ARNT2: variants seen among roughly 807,000 people sequenced by gnomAD.
The protein encoded by ARNT2 is aryl hydrocarbon receptor nuclear translocator 2.
ARNT2 carries 36 observed loss-of-function variants against 91.7 expected under a neutral mutation model. The ratio of observed to expected loss-of-function variants is 0.39; its 90% CI spans 0.30 to 0.52. The LOEUF (loss-of-function observed/expected upper bound fraction) is 0.52. Ranked by LOEUF, ARNT2 falls within the 20% of genes least tolerant of loss-of-function variation. The pLI is 0.72. For missense variants in ARNT2, 775 were observed against 939.3 expected, an observed-to-expected ratio of 0.83 and a Z score of 2.29; for synonymous variants, 365 against 347.1, an observed-to-expected ratio of 1.05 and a Z score of -0.57.
intron 3 of ARNT2, among the ~76,000 whole-genome samples, chr15:80,460,578 T>C (rs533833631): frequency 1.3e-5 from 2 of 152,318 alleles, no homozygotes; most frequent in Non-Finnish European, 2.9e-5. Flanking sequence ...ATGGGATTCA[T>C]GCCATTCGGG....
chr15:80,480,125 G>A (rs1433327009), intron 5 of ARNT2, among the ~76,000 whole-genome samples: 1 of 152,102 alleles, frequency 6.6e-6, no homozygotes, highest in Non-Finnish European at 1.5e-5. Context: ...GAGCATGGAG[G>A]TGCCAGGATC....
intron 1 of ARNT2, among the ~76,000 whole-genome samples, chr15:80,441,970 T>A (rs1896198441): frequency 6.6e-6 from 1 of 152,198 alleles, no homozygotes; most frequent in African/African-American, 2.4e-5. Flanking sequence ...ATATTTGCAT[T>A]TGGAGTCAGA....
intron 17 of ARNT2, among the ~76,000 whole-genome samples, chr15:80,588,454 T>C (rs1893216857): frequency 6.6e-6 from 1 of 152,110 alleles, no homozygotes; most frequent in East Asian, 1.9e-4. Context: ...CCATGGACCA[T>C]ACACATCTGT....
At chr15:80,585,021 A>C (rs1248709205) in intron 17 of ARNT2, among the ~76,000 whole-genome samples, 2 of 152,050 alleles carry the variant, frequency 1.3e-5, no homozygotes, top group Non-Finnish European at 2.9e-5. Flanking sequence ...GAGTTTATAC[A>C]TTGAGTGAGA....
chr15:80,506,612 G>A (rs1897278841), intron 5 of ARNT2, among the ~76,000 whole-genome samples: 1 of 152,198 alleles, frequency 6.6e-6, no homozygotes, highest in South Asian at 2.1e-4. Context: ...TCAAGGTTAG[G>A]CCTAGACAGG....
At position 80,594,509 on chromosome 15, in the gene ARNT2, T is replaced by A. The variant is rs1567011171; in HGVS notation, c.*811T>A. 1 of 152,338 alleles carries A rather than the reference T, an allele frequency of 6.6e-6. No individual in the cohort carries two copies. Among genetic ancestry groups the A allele is most frequent in the Non-Finnish European group, 1.5e-5 (1 of 68,136 alleles). 9.4% of individuals were successfully genotyped at this position (152,338 alleles called of 1,614,324 possible). ...TCACCAGGAGGCACAGCTAGGGGCA[T>A]GCTCACATGGGTAGGTCAGTTCTTT... On this transcript the variant is annotated 3_prime_UTR_variant, in exon 19 of 19. Coordinates refer to ENST00000303329, the MANE Select transcript of ARNT2 (RefSeq NM_014862.4).
At position 80,501,474 on chromosome 15, in the gene ARNT2, G is replaced by A. The variant is rs901488619; in HGVS notation, c.623-6682G>A. Among the ~76,000 whole-genome samples the A allele has an allele frequency of 2.6e-5, 4 of 152,318 alleles. No homozygotes were observed. In the South Asian group the frequency reaches 6.2e-4, roughly 24 times the overall value. On this transcript the variant is annotated intron_variant, in intron 5 of 18. Transcript: ENST00000303329. ...TCTGGGATTTTCACTTAAAGTGTTC[G>A]TGTGCGTGACTTTTCTAAAACGACC...
chr15:80,508,238 G>T lies in ARNT2; in HGVS notation c.705G>T (p.Arg235=). Residue 235 remains arginine, a synonymous_variant, in exon 6 of 19, where the codon CGG becomes CGT. Transcript: ENST00000303329. The stretch of plus-strand genomic sequence containing the variant: ...TGAGGATGTGCATGGGCTCGCGGCG[G>T]TCTTTCATCTGCAGGATGAGGTCTG... ...SSMRMCMGSR[R]SFICRMRCGN... 1 of 1,614,098 alleles carries T rather than the reference G, an allele frequency of 6.2e-7. No homozygotes were observed. The highest frequency in any genetic ancestry group is 8.5e-7 in the Non-Finnish European group (1 of 1,179,968).
At chr15:80,415,230 TG>T (rs760060102) in intron 1 of ARNT2, among the ~76,000 whole-genome samples, 4 of 152,262 alleles carry the variant, frequency 2.6e-5, no homozygotes, top group Non-Finnish European at 5.9e-5. Context: ...CCTCCTGCTA[TG>T]TCCCCTGTGG....
chr15:80,509,023 A>C (rs950754162), intron 6 of ARNT2, among the ~76,000 whole-genome samples: 2 of 152,198 alleles, frequency 1.3e-5, no homozygotes, highest in African/African-American at 4.8e-5. Context: ...TGGGCTGTGG[A>C]GTTCATGAGG....
intron 12 of ARNT2, among the ~76,000 whole-genome samples, chr15:80,568,408 C>T (rs1183766044): frequency 2.6e-5 from 4 of 152,200 alleles, no homozygotes. Flanking sequence ...CCAACGTTGT[C>T]ATAACCACAC....
chr15:80,458,053 C>G, intron 3 of ARNT2, 77 bp downstream of exon 3: 1 of 1,482,562 alleles, frequency 6.7e-7, no homozygotes, highest in Admixed American at 1.7e-5. Context: ...AAGAATGTAA[C>G]GTCTTTTGTC....
At chr15:80,431,000 C>T (rs965802211) in intron 1 of ARNT2, among the ~76,000 whole-genome samples, 4 of 152,060 alleles carry the variant, frequency 2.6e-5, no homozygotes, top group African/African-American at 7.2e-5. Flanking sequence ...GGTTTTTTCC[C>T]ACCAGCTGTC....
At chr15:80,493,595 T>G (rs900414809) in intron 5 of ARNT2, among the ~76,000 whole-genome samples, 11 of 152,214 alleles carry the variant, frequency 7.2e-5, no homozygotes. Context: ...CTGGCCTCAC[T>G]GTGATTATAC....
At chr15:80,553,681 T>C (rs1898124318) in intron 10 of ARNT2, among the ~76,000 whole-genome samples, 1 of 152,194 alleles carries the variant, frequency 6.6e-6, no homozygotes, top group Non-Finnish European at 1.5e-5. Context: ...ATATAGCAGT[T>C]TATTGTACTA....
At chr15:80,434,825 G>A (rs1433187291) in intron 1 of ARNT2, among the ~76,000 whole-genome samples, 3 of 152,130 alleles carry the variant, frequency 2.0e-5, no homozygotes, top group Non-Finnish European at 2.9e-5. Context: ...ATAAAGCCAG[G>A]AGCTCGGGTT....
At chr15:80,506,844 G>C (rs1344680364) in intron 5 of ARNT2, among the ~76,000 whole-genome samples, 2 of 152,186 alleles carry the variant, frequency 1.3e-5, no homozygotes. Flanking sequence ...CTGCCCCAAG[G>C]ATAGGCTGGA....
At position 80,595,070 on chromosome 15, in the gene ARNT2, A is replaced by G. The variant is rs1893352255; in HGVS notation, c.*1372A>G. On this transcript the variant is annotated 3_prime_UTR_variant, in exon 19 of 19. Coordinates refer to ENST00000303329, the MANE Select transcript of ARNT2 (RefSeq NM_014862.4). The stretch of plus-strand genomic sequence containing the variant: ...GCTTGCTGTGCTTCTCTTGGATTTG[A>G]GGAGAGTTTATGAATCCATCCCCCT... 6.6e-6 allele frequency: 1 copy of G among 152,312 alleles called. No homozygotes were observed. Among genetic ancestry groups the G allele is most frequent in the African/African-American group, 2.4e-5 (1 of 41,420 alleles). The allele number at this position is 152,312 out of a possible 1,614,324, so 9.4% of individuals were successfully genotyped here. A position where few individuals can be genotyped will look rare whatever the true frequency, so the allele number is the denominator to read the frequency against.
At position 80,457,613 on chromosome 15, in the gene ARNT2, T is replaced by C. The variant is rs573277775; in HGVS notation, c.147-316T>C. Among the ~76,000 whole-genome samples the C allele has an allele frequency of 2.0e-5, 3 of 152,350 alleles. No individual in the cohort carries two copies. In the East Asian group the frequency reaches 5.8e-4, roughly 29 times the overall value. ...AAAAGGAAGAGACACCTTTCCATCA[T>C]AGCCAGAGCAATCCATTGTCTGCTA... On this transcript the variant is annotated intron_variant, in intron 2 of 18. Transcript: ENST00000303329.
Sources: gnomAD v4.1 joint callset for allele counts (sites outside exome capture counted in the v4.1 genomes callset) on GRCh38, gnomAD v4.1.1 for gene constraint, MANE v1.5 for transcripts, NCBI Gene and HGNC (gene_info 2026-07-23, HGNC 2026-07-21) for gene names.